Variants in VPS39 observed in about 807,000 individuals in gnomAD.
VPS39 encodes vam6/Vps39-like protein.
A neutral mutation model predicts 121.0 loss-of-function variants in VPS39; 70 were observed. The observed-to-expected ratio is 0.58, with a 90% confidence interval of 0.48 to 0.71. The LOEUF (loss-of-function observed/expected upper bound fraction) is 0.71, where lower values mean the gene tolerates loss of function less well. Among genes scored for constraint, VPS39 ranks in the 30% least tolerant of loss-of-function variants. The pLI is 0.00. For missense variants in VPS39, 818 were observed against 1,051.5 expected (o/e 0.78, Z 3.07); for synonymous variants, 378 against 398.1 (o/e 0.95, Z 0.60).
rs2050220525 is a variant in VPS39, at chr15:42,208,262, C to A, written c.-109G>T. Reference sequence around the variant, plus strand: ...GTAGACCGGGATCCGGCCAGGAACCCCCCGGCTACAGGCCCTTCAACAACA... The same window carrying A: ...GTAGACCGGGATCCGGCCAGGAACCACCCGGCTACAGGCCCTTCAACAACA... On this transcript the variant is annotated 5_prime_UTR_variant, in exon 1 of 25. Coordinates refer to ENST00000318006, the MANE Select transcript of VPS39 (RefSeq NM_015289.5). 2 of 1,423,860 alleles carry A rather than the reference C, an allele frequency of 1.4e-6. No homozygotes were observed. Among genetic ancestry groups the A allele is most frequent in the Non-Finnish European group, 1.9e-6 (2 of 1,050,344 alleles). 88.2% of individuals were successfully genotyped at this position (1,423,860 alleles called of 1,614,324 possible).
chr15:42,183,853 C>T (rs1178665073), intron 8 of VPS39, among the ~76,000 whole-genome samples: 1 of 152,082 alleles, frequency 6.6e-6, no homozygotes, highest in Non-Finnish European at 1.5e-5. Flanking sequence ...GTCAGTACGT[C>T]CCACTTCACA....
At chr15:42,184,419 T>TAAAC (rs1465423687) in intron 8 of VPS39, 98 bp downstream of exon 8, 12 of 1,317,118 alleles carry the variant, frequency 9.1e-6, no homozygotes, top group Non-Finnish European at 5.1e-6. Flanking sequence ...TGACACAACG[T>TAAAC]AAACCAGTCT....
intron 12 of VPS39, among the ~76,000 whole-genome samples, chr15:42,168,403 C>T (rs1365927995): frequency 1.3e-5 from 2 of 152,118 alleles, no homozygotes; most frequent in African/African-American, 4.8e-5. Flanking sequence ...TTGCAGGCTG[C>T]CAGCCCCAGG....
intron 2 of VPS39, among the ~76,000 whole-genome samples, chr15:42,199,101 A>G (rs1313653566): frequency 6.6e-6 from 1 of 152,108 alleles, no homozygotes; most frequent in Non-Finnish European, 1.5e-5. Flanking sequence ...AATATATATT[A>G]TATTGAAGGG....
At chr15:42,186,555 C>A (rs2049706898) in intron 7 of VPS39, among the ~76,000 whole-genome samples, 1 of 152,176 alleles carries the variant, frequency 6.6e-6, no homozygotes, top group South Asian at 2.1e-4. Context: ...TTAGATTATT[C>A]AATGAAACGA....
Position 42,169,833 on chromosome 15 carries a change from A to G in VPS39, c.1124T>C (p.Leu375Pro). The change falls in exon 12 of 25, where the codon CTG becomes CCG. Residue 375 changes from leucine to proline, a missense_variant. Physicochemically the swap from Leu to Pro is moderately conservative, Grantham distance 98. Transcript: ENST00000318006. The part of the protein sequence containing the change: ...PTHVMGLYPD[L>P]LPTDYRKQLQ... ...CTGCTTTCTGTAGTCTGTGGGCAGC[A>G]GGTCAGGGTACAGGCCCATCACATG... is the stretch of plus-strand genomic sequence containing the variant. 2 of 1,614,110 alleles carry G rather than the reference A, an allele frequency of 1.2e-6. No individual in the cohort carries two copies. The highest frequency in any genetic ancestry group is 2.7e-5 in the African/African-American group (2 of 75,050).
rs563270513 is a variant in VPS39, at chr15:42,159,898, T to A, written c.*856A>T. ...CTCTGTGGGAACATGTATCTAGGGATCACGCATACCCCAGACAGGGCAGGC... is the reference window on the plus strand; with the variant it reads ...CTCTGTGGGAACATGTATCTAGGGAACACGCATACCCCAGACAGGGCAGGC... On this transcript the variant is annotated 3_prime_UTR_variant, in exon 25 of 25. Transcript: ENST00000318006. 6.6e-6 allele frequency: 1 copy of A among 152,276 alleles called. No individual in the cohort carries two copies. The highest frequency in any genetic ancestry group is 2.1e-4 in the South Asian group (1 of 4,822). 9.4% of individuals were successfully genotyped at this position (152,276 alleles called of 1,614,324 possible).
chr15:42,208,036 G>A lies in VPS39; in HGVS notation c.73+45C>T, dbSNP rs754326804. On this transcript the variant is annotated intron_variant, in intron 1 of 24. Transcript: ENST00000318006. ...CCCGGCCTCAGAAAAGATCCGGACCGCTCCTGTGCTGACTCCGCCTCGGCC... is the reference window on the plus strand; with the variant it reads ...CCCGGCCTCAGAAAAGATCCGGACCACTCCTGTGCTGACTCCGCCTCGGCC... 5 of 1,548,432 alleles carry A rather than the reference G, an allele frequency of 3.2e-6. No homozygotes were observed. In the South Asian group the frequency reaches 4.8e-5, roughly 15 times the overall value.
intron 1 of VPS39, among the ~76,000 whole-genome samples, chr15:42,203,977 C>T (rs1291406257): frequency 6.6e-6 from 1 of 152,208 alleles, no homozygotes; most frequent in East Asian, 1.9e-4. Flanking sequence ...AGTATCAGCC[C>T]TAAAAAACTC....
At chr15:42,164,512 GA>G in intron 18 of VPS39, 26 bp from the exon 19 acceptor site, 3 of 1,612,868 alleles carry the variant, frequency 1.9e-6, no homozygotes, top group Admixed American at 1.7e-5. Flanking sequence ...AGCTCAAAAT[GA>G]AAGGACACTG....
intron 11 of VPS39, 99 bp downstream of exon 11, chr15:42,173,624 A>C (rs931255560): frequency 3.3e-6 from 5 of 1,497,094 alleles, no homozygotes; most frequent in Non-Finnish European, 4.5e-6. Flanking sequence ...CTGAGCCTAA[A>C]CCTTCTCCAT....
rs2049508936 is a variant in VPS39, at chr15:42,178,638, G to A, written c.719-68C>T. ...TTTGGGTTTATGGAGTGTTTCAGCT[G>A]CCCATTCTAAGATACATTTAAATGG... On this transcript the variant is annotated intron_variant, in intron 8 of 24. Coordinates refer to ENST00000318006, the MANE Select transcript of VPS39 (RefSeq NM_015289.5). 3.1e-6 allele frequency: 5 copies of A among 1,590,104 alleles called. No individual in the cohort carries two copies. The South Asian group carries it at 4.5e-5, about 14-fold the overall frequency.
chr15:42,166,804 A>G lies in VPS39; in HGVS notation c.1487T>C (p.Ile496Thr). The G allele has an allele frequency of 6.2e-7, 1 of 1,614,172 alleles. No homozygotes were observed. The highest frequency in any genetic ancestry group is 8.5e-7 in the Non-Finnish European group (1 of 1,180,040). Reference sequence around the variant, plus strand: ...GTGGAGCCCCTTCTTCTCATACAGGATGATAAGCTCACTGTACTTGTGAGC... The same window carrying G: ...GTGGAGCCCCTTCTTCTCATACAGGGTGATAAGCTCACTGTACTTGTGAGC... ...KKAHKYSELI[I>T]LYEKKGLHEK... The change falls in exon 14 of 25, where the codon ATC becomes ACC. Residue 496 changes from isoleucine to threonine, a missense_variant. Coordinates refer to ENST00000318006, the MANE Select transcript of VPS39 (RefSeq NM_015289.5).
At chr15:42,182,057 A>G (rs2049592574) in intron 8 of VPS39, among the ~76,000 whole-genome samples, 1 of 152,212 alleles carries the variant, frequency 6.6e-6, no homozygotes, top group African/African-American at 2.4e-5. Flanking sequence ...TTATATTTGC[A>G]ATTTATACTA....
In VPS39 at chr15:42,189,098, T is replaced by A. The variant is rs749693800; in HGVS notation, c.342+16A>T. On this transcript the variant is annotated intron_variant, in intron 5 of 24. Transcript: ENST00000318006. ...GATTAAAGCATAAAGCCAAATTTCATCTTGGGTAAACTTACCTGGAGGTCA... is the reference window on the plus strand; with the variant it reads ...GATTAAAGCATAAAGCCAAATTTCAACTTGGGTAAACTTACCTGGAGGTCA... The A allele has an allele frequency of 6.2e-6, 10 of 1,600,662 alleles. No homozygotes were observed. The highest frequency in any genetic ancestry group is 8.6e-6 in the Non-Finnish European group (10 of 1,167,946).
At chr15:42,189,728 C>CA (rs35437812) in intron 4 of VPS39, among the ~76,000 whole-genome samples, 6,743 of 71,896 alleles carry the variant, frequency 0.094, 1,190 homozygotes, top group African/African-American at 0.29. Context: ...GACTCCGTCT[C>CA]AAAAAAAAAA....
intron 12 of VPS39, among the ~76,000 whole-genome samples, chr15:42,169,486 G>T (rs990161394): frequency 2.0e-5 from 3 of 152,252 alleles, no homozygotes; most frequent in Middle Eastern, 3.4e-3. Context: ...TAACAGCTTT[G>T]TGTGAATTTA....
At chr15:42,193,780 A>G (rs2049877757) in intron 2 of VPS39, among the ~76,000 whole-genome samples, 1 of 152,102 alleles carries the variant, frequency 6.6e-6, no homozygotes, top group South Asian at 2.1e-4. Context: ...TTTTCTTAAA[A>G]GCTCTAACTT....
chr15:42,169,705 C>T lies in VPS39; in HGVS notation c.1233+19G>A, dbSNP rs1305501035. 3 of 1,600,274 alleles carry T rather than the reference C, an allele frequency of 1.9e-6. No individual in the cohort carries two copies. The highest frequency in any genetic ancestry group is 1.1e-5 in the South Asian group (1 of 88,698). Reference sequence around the variant, plus strand: ...AAACTCCCAGGCAAACTCTTTCACGCACTCTGTACTATACCTACCTGTGTC... The same window carrying T: ...AAACTCCCAGGCAAACTCTTTCACGTACTCTGTACTATACCTACCTGTGTC... On this transcript the variant is annotated intron_variant, in intron 12 of 24. Coordinates refer to ENST00000318006, the MANE Select transcript of VPS39 (RefSeq NM_015289.5).
Sources: allele counts gnomAD v4.1 joint callset (sites outside exome capture counted in the v4.1 genomes callset), GRCh38; gene constraint gnomAD v4.1.1; transcripts MANE v1.5; gene names NCBI Gene and HGNC (gene_info 2026-07-23, HGNC 2026-07-21).